Variants in PTPRD observed in about 807,000 individuals in gnomAD.
PTPRD encodes protein tyrosine phosphatase receptor type D.
Under a neutral mutation model 214.5 loss-of-function variants are expected in PTPRD, and 34 were observed. The ratio of observed to expected loss-of-function variants is 0.16; its 90% CI spans 0.12 to 0.21. PTPRD has a LOEUF of 0.21. Ranked by LOEUF, PTPRD falls within the 10% of genes least tolerant of loss-of-function variation. PTPRD has a pLI of 1.00. For missense variants in PTPRD, 2,545 were observed against 2,398.7 expected, an observed-to-expected ratio of 1.06 and a Z score of -1.27; for synonymous variants, 1,128 against 845.7, an observed-to-expected ratio of 1.33 and a Z score of -5.79.
At chr9:10,235,824 A>G (rs2099627074) in intron 3 of PTPRD, among the ~76,000 whole-genome samples, 1 of 152,058 alleles carries the variant, frequency 6.6e-6, no homozygotes, top group South Asian at 2.1e-4. Flanking sequence ...CAATAGGACC[A>G]CTTAAAACAT....
At chr9:9,398,467 A>G (rs2068776401) in intron 8 of PTPRD, among the ~76,000 whole-genome samples, 1 of 152,018 alleles carries the variant, frequency 6.6e-6, no homozygotes, top group Non-Finnish European at 1.5e-5. Context: ...TATAGATAGC[A>G]TATGGTGCAC....
At chr9:9,446,115 T>C (rs12378422) in intron 8 of PTPRD, among the ~76,000 whole-genome samples, 20,493 of 152,196 alleles carry the variant, frequency 0.13, 1,468 homozygotes, top group Middle Eastern at 0.29. Flanking sequence ...TTTTGTTTGA[T>C]ATTTGCACGT....
chr9:9,069,805 C>A (rs2099741093), intron 10 of PTPRD, among the ~76,000 whole-genome samples: 1 of 152,144 alleles, frequency 6.6e-6, no homozygotes, highest in Admixed American at 6.5e-5. Context: ...CCAATCCTAG[C>A]AGCACTGGAA....
At chr9:10,241,920 C>T (rs941897185) in intron 3 of PTPRD, among the ~76,000 whole-genome samples, 3 of 151,904 alleles carry the variant, frequency 2.0e-5, no homozygotes, top group Non-Finnish European at 4.4e-5. Context: ...TTTAAAATAA[C>T]TAACGGCACA....
intron 3 of PTPRD, among the ~76,000 whole-genome samples, chr9:10,284,306 A>C (rs1038265828): frequency 2.0e-5 from 3 of 152,182 alleles, no homozygotes; most frequent in African/African-American, 7.2e-5. Flanking sequence ...AAGGTGCATA[A>C]GATTAAACAC....
intron 11 of PTPRD, among the ~76,000 whole-genome samples, chr9:8,933,924 T>TC (rs2098971471): frequency 6.6e-6 from 1 of 152,150 alleles, no homozygotes; most frequent in South Asian, 2.1e-4. Flanking sequence ...CATATAGAAC[T>TC]CCTTTCCCAG....
intron 11 of PTPRD, among the ~76,000 whole-genome samples, chr9:8,859,506 A>G (rs1175643662): frequency 2.0e-5 from 3 of 152,238 alleles, no homozygotes; most frequent in Non-Finnish European, 2.9e-5. Context: ...AGAGCTCACC[A>G]GCCACCTCCA....
At chr9:9,224,338 A>G (rs1038559842) in intron 9 of PTPRD, among the ~76,000 whole-genome samples, 1 of 152,012 alleles carries the variant, frequency 6.6e-6, no homozygotes, top group Non-Finnish European at 1.5e-5. Context: ...AGGCCATTTC[A>G]GGAAAATTTT....
intron 9 of PTPRD, among the ~76,000 whole-genome samples, chr9:9,331,662 G>T (rs757096723): frequency 6.6e-6 from 1 of 151,956 alleles, no homozygotes; most frequent in Non-Finnish European, 1.5e-5. Context: ...AATAACAACG[G>T]CTATCTAATA....
intron 10 of PTPRD, among the ~76,000 whole-genome samples, chr9:9,150,607 C>A (rs1257026235): frequency 6.6e-6 from 1 of 151,552 alleles, no homozygotes; most frequent in East Asian, 1.9e-4. Context: ...CCTGCCTCAG[C>A]CTCTGGGATT....
intron 3 of PTPRD, among the ~76,000 whole-genome samples, chr9:10,169,445 G>C (rs964140275): frequency 7.4e-6 from 1 of 134,286 alleles, no homozygotes; most frequent in Non-Finnish European, 1.5e-5. Flanking sequence ...CTGCACTCCA[G>C]CCTGGGCGAA....
At chr9:8,362,452 A>AT (rs2078744202) in intron 39 of PTPRD, among the ~76,000 whole-genome samples, 1 of 152,144 alleles carries the variant, frequency 6.6e-6, no homozygotes, top group African/African-American at 2.4e-5. Flanking sequence ...GTAGAGGAGG[A>AT]TTTTTGTGGT....
rs146912936 is a variant in PTPRD, at chr9:8,644,547, T to C, written c.65-7703A>G. Reference sequence around the variant, plus strand: ...GAGAAGGAGAGAAGGGCTGTGGCCCTTTGAGGACCCCAGACCTGGGAGCTC... The same window carrying C: ...GAGAAGGAGAGAAGGGCTGTGGCCCCTTGAGGACCCCAGACCTGGGAGCTC... On this transcript the variant is annotated intron_variant, in intron 12 of 45. Coordinates refer to ENST00000381196, the MANE Select transcript of PTPRD (RefSeq NM_002839.4). Among the ~76,000 whole-genome samples the C allele has an allele frequency of 1.7e-3, 252 of 152,266 alleles. No individual in the cohort carries two copies. In the Middle Eastern group the frequency reaches 0.017, roughly 10 times the overall value.
At chr9:8,353,115 AT>A (rs760499518) in intron 39 of PTPRD, among the ~76,000 whole-genome samples, 1 of 152,146 alleles carries the variant, frequency 6.6e-6, no homozygotes, top group Non-Finnish European at 1.5e-5. Context: ...GTCTCAAAAA[AT>A]AAATAAATAA....
intron 28 of PTPRD, 84 bp from the exon 29 acceptor site, chr9:8,485,408 T>C (rs1021540168): frequency 5.9e-5 from 52 of 884,126 alleles, no homozygotes; most frequent in South Asian, 1.2e-4. Flanking sequence ...TAGGGGCTTA[T>C]GCTAGATGCT....
At chr9:10,104,100 A>C (rs2098599643) in intron 3 of PTPRD, among the ~76,000 whole-genome samples, 1 of 151,714 alleles carries the variant, frequency 6.6e-6, no homozygotes, top group South Asian at 2.1e-4. Context: ...CACTTATATG[A>C]GGTACCCAGA....
chr9:8,566,680 C>T (rs188358472), intron 14 of PTPRD, among the ~76,000 whole-genome samples: 19 of 152,252 alleles, frequency 1.2e-4, no homozygotes, highest in Admixed American at 3.3e-4. Flanking sequence ...GACTGAAATA[C>T]GTTAGACACT....
At chr9:8,570,122 A>G (rs2090657747) in intron 14 of PTPRD, among the ~76,000 whole-genome samples, 2 of 152,124 alleles carry the variant, frequency 1.3e-5, no homozygotes, top group Admixed American at 1.3e-4. Context: ...TAGAATTTCA[A>G]CCACTGAAAA....
intron 3 of PTPRD, among the ~76,000 whole-genome samples, chr9:10,296,368 A>G (rs1022207007): frequency 1.3e-5 from 2 of 151,936 alleles, no homozygotes; most frequent in African/African-American, 4.8e-5. Flanking sequence ...GACCCCCCTC[A>G]CCCAGCCATG....
Sources: allele counts gnomAD v4.1 joint callset (sites outside exome capture counted in the v4.1 genomes callset), GRCh38; gene constraint gnomAD v4.1.1; transcripts MANE v1.5; gene names NCBI Gene and HGNC (gene_info 2026-07-23, HGNC 2026-07-21).